Variants in SLIT3 observed in about 807,000 individuals in gnomAD.
SLIT3 encodes slit homolog 3 protein.
In SLIT3, 68 loss-of-function variants were observed where a neutral mutation model predicts 184.0. The ratio of observed to expected loss-of-function variants is 0.37; its 90% CI spans 0.30 to 0.45. The LOEUF (loss-of-function observed/expected upper bound fraction) is 0.45. Ranked by LOEUF, SLIT3 falls within the 20% of genes least tolerant of loss-of-function variation. SLIT3 has a pLI of 1.00. For synonymous variants in SLIT3, 831 were observed against 828.6 expected, an observed-to-expected ratio of 1.00 and a Z score of -0.05; for missense variants, 1,707 against 2,026.0, an observed-to-expected ratio of 0.84 and a Z score of 3.02.
chr5:168,748,862 T>A (rs1418523490), intron 19 of SLIT3, among the ~76,000 whole-genome samples: 1 of 152,148 alleles, frequency 6.6e-6, no homozygotes, highest in Non-Finnish European at 1.5e-5. Context: ...TAATTATCTG[T>A]CTCTAGATAA....
chr5:169,231,396 G>T (rs751199510), intron 3 of SLIT3, among the ~76,000 whole-genome samples: 3 of 152,006 alleles, frequency 2.0e-5, no homozygotes, highest in African/African-American at 7.3e-5. Context: ...ACACCACCTC[G>T]GCTTTTAACA....
At chr5:169,204,145 G>A (rs1039505944) in intron 3 of SLIT3, among the ~76,000 whole-genome samples, 1 of 152,074 alleles carries the variant, frequency 6.6e-6, no homozygotes, top group Non-Finnish European at 1.5e-5. Flanking sequence ...AAGCAAGAGA[G>A]AGCATAGTTG....
intron 14 of SLIT3, among the ~76,000 whole-genome samples, chr5:168,763,394 T>A (rs1434809781): frequency 6.6e-6 from 1 of 152,104 alleles, no homozygotes; most frequent in Admixed American, 6.5e-5. Context: ...AAAAAGAGAA[T>A]CCATATAAAC....
intron 4 of SLIT3, among the ~76,000 whole-genome samples, chr5:168,962,714 C>T (rs1399954356): frequency 1.3e-5 from 2 of 152,234 alleles, no homozygotes; most frequent in African/African-American, 4.8e-5. Context: ...CACTCCCACA[C>T]ATCCCACTTC....
intron 4 of SLIT3, among the ~76,000 whole-genome samples, chr5:169,032,003 G>A (rs1045901967): frequency 6.6e-6 from 1 of 152,162 alleles, no homozygotes; most frequent in Non-Finnish European, 1.5e-5. Context: ...CTTTGGATTA[G>A]GTGATGTGGT....
intron 3 of SLIT3, among the ~76,000 whole-genome samples, chr5:169,205,167 T>C (rs539441842): frequency 1.3e-5 from 2 of 152,304 alleles, no homozygotes; most frequent in South Asian, 2.1e-4. Flanking sequence ...CTATGAATTA[T>C]ATGCCTCTGC....
intron 3 of SLIT3, among the ~76,000 whole-genome samples, chr5:169,227,743 A>G (rs1021226828): frequency 6.6e-6 from 1 of 152,208 alleles, no homozygotes; most frequent in Admixed American, 6.5e-5. Context: ...ATTATTTTTA[A>G]TGGCAAAAGC....
At chr5:169,257,421 C>T (rs1765997102) in intron 1 of SLIT3, among the ~76,000 whole-genome samples, 1 of 129,270 alleles carries the variant, frequency 7.7e-6, no homozygotes, top group African/African-American at 2.9e-5. Flanking sequence ...ACACATTAAA[C>T]TCAGACCTAT....
chr5:169,161,586 C>G (rs1471315142), intron 4 of SLIT3, among the ~76,000 whole-genome samples: 1 of 152,002 alleles, frequency 6.6e-6, no homozygotes, highest in Non-Finnish European at 1.5e-5. Flanking sequence ...TCACTCCCGG[C>G]TGACCATACT....
intron 29 of SLIT3, among the ~76,000 whole-genome samples, chr5:168,688,143 C>T (rs1761802663): frequency 6.6e-6 from 1 of 152,234 alleles, no homozygotes. Flanking sequence ...GTCACAGAGG[C>T]TTAGGTGCAC....
rs995382492 is a variant in SLIT3, at chr5:169,152,838, C to T, written c.413+40641G>A. ...TGAGGGGCTGTAATGACACCTACCC[C>T]GGTATGTCACATTCCCAGAGCTTAA... On this transcript the variant is annotated intron_variant, in intron 4 of 35. Transcript: ENST00000519560. Among the ~76,000 whole-genome samples the T allele has an allele frequency of 4.6e-5, 7 of 152,258 alleles. No homozygotes were observed. The East Asian group carries it at 7.7e-4, about 17-fold the overall frequency.
At chr5:169,098,276 C>G (rs779227204) in intron 4 of SLIT3, among the ~76,000 whole-genome samples, 3 of 152,138 alleles carry the variant, frequency 2.0e-5, no homozygotes, top group Non-Finnish European at 2.9e-5. Flanking sequence ...TCCCTTTTAA[C>G]GAGGACACCC....
intron 4 of SLIT3, among the ~76,000 whole-genome samples, chr5:168,911,985 C>T (rs915254831): frequency 3.3e-5 from 5 of 152,166 alleles, no homozygotes; most frequent in South Asian, 2.1e-4. Context: ...CTGAACACCA[C>T]GAGCTTGAAC....
At chr5:169,094,404 G>A (rs1463224336) in intron 4 of SLIT3, among the ~76,000 whole-genome samples, 2 of 152,206 alleles carry the variant, frequency 1.3e-5, no homozygotes, top group Non-Finnish European at 1.5e-5. Context: ...CAAGGCGGGT[G>A]GATCACCTGA....
intron 4 of SLIT3, among the ~76,000 whole-genome samples, chr5:169,071,737 C>T (rs905842068): frequency 1.1e-4 from 16 of 152,184 alleles, no homozygotes; most frequent in South Asian, 2.1e-4. Flanking sequence ...CTTTCCACCA[C>T]ATAGACCTTG....
chr5:169,111,631 A>C (rs1760413196), intron 4 of SLIT3, among the ~76,000 whole-genome samples: 1 of 152,198 alleles, frequency 6.6e-6, no homozygotes, highest in Non-Finnish European at 1.5e-5. Context: ...AAACGCCTGT[A>C]ATCCCAGCTA....
intron 5 of SLIT3, among the ~76,000 whole-genome samples, chr5:168,860,792 T>G (rs1258551793): frequency 6.6e-6 from 1 of 152,228 alleles, no homozygotes; most frequent in Non-Finnish European, 1.5e-5. Flanking sequence ...CTAGCCATTC[T>G]TAAGCTGTTT....
chr5:168,721,272 C>A (rs1180152754), intron 23 of SLIT3, among the ~76,000 whole-genome samples: 1 of 152,054 alleles, frequency 6.6e-6, no homozygotes, highest in African/African-American at 2.4e-5. Context: ...TGGGAAGGCA[C>A]AAAAATCAGG....
chr5:168,724,915 G>A (rs1240737187), intron 20 of SLIT3, among the ~76,000 whole-genome samples: 1 of 152,202 alleles, frequency 6.6e-6, no homozygotes, highest in Non-Finnish European at 1.5e-5. Flanking sequence ...CATGCAGCAA[G>A]CAAGTGGTTG....
Sources: gnomAD v4.1 joint callset for allele counts (sites outside exome capture counted in the v4.1 genomes callset) on GRCh38, gnomAD v4.1.1 for gene constraint, MANE v1.5 for transcripts, NCBI Gene and HGNC (gene_info 2026-07-23, HGNC 2026-07-21) for gene names.